DLGAP1: variants seen among roughly 807,000 people sequenced by gnomAD.
DLGAP1 encodes disks large-associated protein 1.
A neutral mutation model predicts 90.8 loss-of-function variants in DLGAP1; 11 were observed. The observed-to-expected ratio is 0.12, with a 90% confidence interval of 0.08 to 0.20. The LOEUF (loss-of-function observed/expected upper bound fraction) is 0.20, where lower values mean the gene tolerates loss of function less well. Ranked by LOEUF, DLGAP1 falls within the 10% of genes least tolerant of loss-of-function variation. DLGAP1 has a pLI of 1.00. For missense variants in DLGAP1, 1,050 were observed against 1,333.8 expected (o/e 0.79, Z 3.31); for synonymous variants, 558 against 540.7 (o/e 1.03, Z -0.44).
At chr18:3,543,166 ATTTTTTT>A (rs76751283) in intron 9 of DLGAP1, among the ~76,000 whole-genome samples, 1 of 64,154 alleles carries the variant, frequency 1.6e-5, no homozygotes, top group South Asian at 6.5e-4. Context: ...CATGACTCCA[ATTTTTTT>A]TTTTTTTTTT....
intron 1 of DLGAP1, among the ~76,000 whole-genome samples, chr18:4,163,844 T>G (rs564457632): frequency 6.6e-6 from 1 of 152,336 alleles, no homozygotes; most frequent in Admixed American, 6.5e-5. Context: ...TGATGTTTTC[T>G]TTTTCAGATA....
chr18:3,992,538 TGTG>T (rs1487770425), intron 3 of DLGAP1, among the ~76,000 whole-genome samples: 1 of 152,024 alleles, frequency 6.6e-6, no homozygotes. Context: ...ATTAGCCAGG[TGTG>T]GTGGTGCACA....
chr18:3,690,791 C>T (rs1480986655), intron 7 of DLGAP1, among the ~76,000 whole-genome samples: 2 of 152,018 alleles, frequency 1.3e-5, no homozygotes, highest in Non-Finnish European at 2.9e-5. Context: ...ATTTATTAGT[C>T]TTTTTCACCA....
chr18:4,125,653 A>C (rs1248216475), intron 2 of DLGAP1, among the ~76,000 whole-genome samples: 1 of 147,012 alleles, frequency 6.8e-6, no homozygotes, highest in African/African-American at 2.6e-5. Flanking sequence ...AAACAAACAA[A>C]CGAAAAACAA....
chr18:3,896,724 T>TA (rs2071634513), intron 3 of DLGAP1: 1 of 152,394 alleles, frequency 6.6e-6, no homozygotes, highest in Non-Finnish European at 1.5e-5. Flanking sequence ...CAGCCTCCTG[T>TA]CTCCTACCTG....
chr18:3,710,576 T>A (rs1169773903), intron 7 of DLGAP1, among the ~76,000 whole-genome samples: 2 of 152,248 alleles, frequency 1.3e-5, no homozygotes, highest in East Asian at 3.8e-4. Flanking sequence ...CCATATATAT[T>A]TTTAAAGCAT....
intron 5 of DLGAP1, among the ~76,000 whole-genome samples, chr18:3,772,350 T>TTCTTTCTTTCTTTCTTTCTTTC (rs2064670931): frequency 9.9e-4 from 2 of 2,022 alleles, no homozygotes; most frequent in African/African-American, 2.6e-3. Flanking sequence ...CTCTCTCTCT[T>TTCTTTCTTTCTTTCTTTCTTTC]TCTTTCTTTC....
At chr18:3,948,311 T>G (rs2072915793) in intron 3 of DLGAP1, among the ~76,000 whole-genome samples, 1 of 151,628 alleles carries the variant, frequency 6.6e-6, no homozygotes, top group African/African-American at 2.4e-5. Flanking sequence ...GGGGCCACAG[T>G]GAGTCAAGCA....
At chr18:4,264,840 T>C (rs954864055) in intron 1 of DLGAP1, 5 of 152,222 alleles carry the variant, frequency 3.3e-5, no homozygotes, top group Non-Finnish European at 7.3e-5. Flanking sequence ...AGGGAGCAGA[T>C]GGCAAGGCTT....
chr18:3,607,008 T>C (rs937012891), intron 7 of DLGAP1: 3 of 152,044 alleles, frequency 2.0e-5, no homozygotes, highest in Admixed American at 2.0e-4. Context: ...TGGCTAATTT[T>C]AGTAGAGAAG....
At chr18:4,404,991 C>T (rs958023809) in intron 1 of DLGAP1, among the ~76,000 whole-genome samples, 3 of 152,136 alleles carry the variant, frequency 2.0e-5, no homozygotes, top group Non-Finnish European at 4.4e-5. Flanking sequence ...AGAGAATAAT[C>T]GTGGTAGAGA....
intron 7 of DLGAP1, among the ~76,000 whole-genome samples, chr18:3,617,298 A>G (rs146187934): frequency 0.01 from 1,558 of 152,318 alleles, 24 homozygotes; most frequent in African/African-American, 0.035. Flanking sequence ...TCTATTAAAA[A>G]TAAACAAAAA....
intron 5 of DLGAP1, among the ~76,000 whole-genome samples, chr18:3,781,205 T>C (rs1443359975): frequency 6.6e-6 from 1 of 152,202 alleles, no homozygotes; most frequent in East Asian, 1.9e-4. Flanking sequence ...TGTTTTTTAA[T>C]AGATAATTTA....
intron 4 of DLGAP1, among the ~76,000 whole-genome samples, chr18:3,867,604 C>T (rs1397102437): frequency 1.3e-5 from 2 of 152,044 alleles, no homozygotes; most frequent in East Asian, 3.9e-4. Flanking sequence ...GTGTCATGCC[C>T]CACTCTGGGG....
intron 5 of DLGAP1, among the ~76,000 whole-genome samples, chr18:3,747,884 G>A (rs547609812): frequency 3.3e-5 from 5 of 152,134 alleles, no homozygotes; most frequent in Non-Finnish European, 5.9e-5. Context: ...AGAGCCCTCC[G>A]CTATCAATAT....
At chr18:4,285,868 G>T (rs2079677321) in intron 1 of DLGAP1, among the ~76,000 whole-genome samples, 1 of 152,166 alleles carries the variant, frequency 6.6e-6, no homozygotes, top group Admixed American at 6.5e-5. Context: ...TGTTAACCCA[G>T]GTTACAGTTC....
intron 7 of DLGAP1, among the ~76,000 whole-genome samples, chr18:3,686,492 G>A (rs1007355676): frequency 3.3e-5 from 5 of 152,048 alleles, no homozygotes; most frequent in Non-Finnish European, 5.9e-5. Context: ...TATATTGTAG[G>A]GCAAAGACAG....
At chr18:4,094,737 A>G (rs754010735) in intron 2 of DLGAP1, among the ~76,000 whole-genome samples, 1 of 150,960 alleles carries the variant, frequency 6.6e-6, no homozygotes, top group Non-Finnish European at 1.5e-5. Flanking sequence ...AGCTGGGACT[A>G]CAGGCATGCG....
chr18:3,600,775 G>T (rs1404513509), intron 7 of DLGAP1, among the ~76,000 whole-genome samples: 6 of 11,110 alleles, frequency 5.4e-4, no homozygotes, highest in Admixed American at 1.2e-3. Context: ...GATATATATA[G>T]ATATATAGAT....
Sources: allele counts gnomAD v4.1 joint callset (sites outside exome capture counted in the v4.1 genomes callset), GRCh38; gene constraint gnomAD v4.1.1; transcripts MANE v1.5; gene names NCBI Gene and HGNC (gene_info 2026-07-23, HGNC 2026-07-21).